The following ASTN1 variants were observed in gnomAD, a reference collection of about 807,000 sequenced individuals.
The protein encoded by ASTN1 is astrotactin 1, also known as astrotactin-1.
Under a neutral mutation model 140.7 loss-of-function variants are expected in ASTN1, and 41 were observed. The ratio of observed to expected loss-of-function variants is 0.29; its 90% CI spans 0.23 to 0.38. The LOEUF is 0.38. Among genes scored for constraint, ASTN1 ranks in the 10% least tolerant of loss-of-function variants. The probability of loss-of-function intolerance (pLI) is 1.00; values close to 1 mark genes in which losing one functional copy is unlikely to be tolerated. For synonymous variants in ASTN1, 640 were observed against 652.2 expected, an observed-to-expected ratio of 0.98 and a Z score of 0.29; for missense variants, 1,479 against 1,678.8, an observed-to-expected ratio of 0.88 and a Z score of 2.08.
At chr1:177,047,030 C>A (rs1677265842) in intron 2 of ASTN1, among the ~76,000 whole-genome samples, 1 of 152,210 alleles carries the variant, frequency 6.6e-6, no homozygotes, top group South Asian at 2.1e-4. Context: ...TCCCTTTAAG[C>A]CTTTTAGCAA....
intron 22 of ASTN1, among the ~76,000 whole-genome samples, chr1:176,866,529 A>G (rs1420854709): frequency 1.3e-5 from 2 of 152,206 alleles, no homozygotes. Flanking sequence ...AGGGAGTGGC[A>G]GAAGAGGGAG....
intron 1 of ASTN1, among the ~76,000 whole-genome samples, chr1:177,084,827 A>G (rs1195319856): frequency 6.6e-6 from 1 of 151,590 alleles, no homozygotes; most frequent in East Asian, 1.9e-4. Flanking sequence ...TTTTTCATCA[A>G]TTGTCCAACC....
intron 16 of ASTN1, among the ~76,000 whole-genome samples, chr1:176,915,261 C>CT (rs1463266836): frequency 3.3e-5 from 5 of 152,286 alleles, no homozygotes; most frequent in African/African-American, 1.2e-4. Flanking sequence ...GCCAGGTGTT[C>CT]TACCCGCCTT....
At chr1:177,128,825 C>A (rs1005294905) in intron 1 of ASTN1, among the ~76,000 whole-genome samples, 1 of 152,154 alleles carries the variant, frequency 6.6e-6, no homozygotes, top group Non-Finnish European at 1.5e-5. Flanking sequence ...CCTGGCTCAG[C>A]CACTGGCCTG....
intron 16 of ASTN1, among the ~76,000 whole-genome samples, chr1:176,896,076 G>C (rs1170478482): frequency 6.6e-6 from 1 of 152,136 alleles, no homozygotes; most frequent in Non-Finnish European, 1.5e-5. Context: ...CTTTATAAAA[G>C]AGTTCTCTCT....
At chr1:176,991,176 G>A (rs1674141133) in intron 8 of ASTN1, among the ~76,000 whole-genome samples, 1 of 152,160 alleles carries the variant, frequency 6.6e-6, no homozygotes. Context: ...GGGAGGCTGA[G>A]GCAGGCAGAT....
intron 16 of ASTN1, among the ~76,000 whole-genome samples, chr1:176,911,611 C>T (rs1670244554): frequency 6.6e-6 from 1 of 151,748 alleles, no homozygotes; most frequent in Non-Finnish European, 1.5e-5. Flanking sequence ...GCATTGTTTT[C>T]CACCTCCATA....
intron 11 of ASTN1, among the ~76,000 whole-genome samples, chr1:176,953,795 A>G (rs1363839561): frequency 1.3e-5 from 2 of 152,300 alleles, no homozygotes; most frequent in East Asian, 3.9e-4. Context: ...TGTTCAATAC[A>G]TGAGAAAGTG....
At chr1:176,908,871 T>C (rs1670109683) in intron 16 of ASTN1, among the ~76,000 whole-genome samples, 1 of 152,124 alleles carries the variant, frequency 6.6e-6, no homozygotes, top group African/African-American at 2.4e-5. Flanking sequence ...CTCTATACAC[T>C]AGACACTGAA....
In ASTN1 at chr1:176,868,997, T is replaced by C; in HGVS notation, c.3494A>G (p.Asn1165Ser). 6.2e-7 allele frequency: 1 copy of C among 1,601,768 alleles called. No homozygotes were observed. Among genetic ancestry groups the C allele is most frequent in the Non-Finnish European group, 8.5e-7 (1 of 1,173,352 alleles). ...EIADKIYNLF[N>S]GYTSGKEQQT... Reference sequence around the variant, plus strand: ...CTGCTCCTTCCCACTAGTGTAGCCATTGAAGAGATTGTAGATCTTGTCTGC... The same window carrying C: ...CTGCTCCTTCCCACTAGTGTAGCCACTGAAGAGATTGTAGATCTTGTCTGC... Residue 1165 changes from asparagine (N) to serine (S), a missense_variant, in exon 22 of 23, where the codon AAT (asparagine) becomes AGT (serine). Transcript: ENST00000361833.
rs769637729 is a variant in ASTN1, at chr1:176,958,430, C to A, written c.1651G>T (p.Val551Leu). 1.6e-5 allele frequency: 26 copies of A among 1,613,956 alleles called. No homozygotes were observed. Among genetic ancestry groups the A allele is most frequent in the Non-Finnish European group, 2.2e-5 (26 of 1,180,002 alleles). ...ATGGCCAGTTCGGCTGGTGGAATCA[C>A]AAAGCTCTTGCTGAGGGGCAACCAC... ...GMWLPLSKSF[V>L]IPPAELAINP... The change falls in exon 10 of 23, where the codon GTG becomes TTG. Residue 551 changes from valine to leucine, a missense_variant. Transcript: ENST00000361833.
chr1:176,979,739 T>C (rs1466834103), intron 8 of ASTN1, among the ~76,000 whole-genome samples: 3 of 152,122 alleles, frequency 2.0e-5, no homozygotes, highest in Non-Finnish European at 2.9e-5. Flanking sequence ...TAATGAATGA[T>C]TCTGGTGATT....
chr1:177,119,051 G>C (rs1030365033), intron 1 of ASTN1, among the ~76,000 whole-genome samples: 10 of 152,106 alleles, frequency 6.6e-5, no homozygotes, highest in African/African-American at 2.4e-5. Context: ...CATCTTCACT[G>C]GGAAGCCTTC....
downstream of ASTN1, among the ~76,000 whole-genome samples, chr1:176,858,569 C>T (rs1221523769): frequency 1.3e-5 from 2 of 152,176 alleles, no homozygotes; most frequent in Admixed American, 6.5e-5. Flanking sequence ...ATTGAACATA[C>T]GGAGTGAGAG....
intron 22 of ASTN1, 141 bp from the exon 23 acceptor site, chr1:176,864,662 G>A: frequency 1.7e-6 from 2 of 1,190,582 alleles, no homozygotes; most frequent in Non-Finnish European, 2.3e-6. Context: ...TTGGCACTTG[G>A]AACAGTGAGT....
At chr1:177,086,654 A>T (rs542218634) in intron 1 of ASTN1, among the ~76,000 whole-genome samples, 5 of 152,348 alleles carry the variant, frequency 3.3e-5, no homozygotes, top group Non-Finnish European at 4.4e-5. Flanking sequence ...ATGATTTTTT[A>T]AAAAACTTTT....
intron 15 of ASTN1, among the ~76,000 whole-genome samples, chr1:176,934,707 G>A (rs971891180): frequency 7.2e-5 from 11 of 151,818 alleles, no homozygotes; most frequent in South Asian, 4.2e-4. Flanking sequence ...AATTAGCATA[G>A]TCTAAAACAG....
At chr1:177,020,516 A>G (rs1442466488) in intron 7 of ASTN1, among the ~76,000 whole-genome samples, 2 of 151,916 alleles carry the variant, frequency 1.3e-5, no homozygotes, top group Non-Finnish European at 2.9e-5. Context: ...CTGCCTCCCT[A>G]TTTCACTTCT....
intron 20 of ASTN1, among the ~76,000 whole-genome samples, chr1:176,879,001 G>A (rs765200039): frequency 2.0e-5 from 3 of 152,170 alleles, no homozygotes; most frequent in Non-Finnish European, 4.4e-5. Flanking sequence ...CTTTATCCTT[G>A]TTGCAGACTG....
Sources: gnomAD v4.1 joint callset for allele counts (sites outside exome capture counted in the v4.1 genomes callset) on GRCh38, gnomAD v4.1.1 for gene constraint, MANE v1.5 for transcripts, NCBI Gene and HGNC (gene_info 2026-07-23, HGNC 2026-07-21) for gene names.